Variants in NRG1 observed in about 807,000 individuals in gnomAD.
NRG1 encodes the protein pro-neuregulin-1, membrane-bound isoform.
Under a neutral mutation model 63.8 loss-of-function variants are expected in NRG1, and 18 were observed. The observed-to-expected ratio is 0.28, with a 90% CI of 0.19 to 0.42. The LOEUF (loss-of-function observed/expected upper bound fraction) is 0.42, where lower values mean the gene tolerates loss of function less well. NRG1 is among the 10% of genes least tolerant of loss of function. The probability of loss-of-function intolerance (pLI) is 1.00; values close to 1 mark genes in which losing one functional copy is unlikely to be tolerated. For missense variants in NRG1, 762 were observed against 814.7 expected (o/e 0.94, Z 0.79); for synonymous variants, 302 against 301.3 (o/e 1.00, Z -0.02).
chr8:31,778,161 A>T (rs980372883), intron 1 of NRG1, among the ~76,000 whole-genome samples: 1 of 152,122 alleles, frequency 6.6e-6, no homozygotes, highest in Non-Finnish European at 1.5e-5. Context: ...GACTTCCTTG[A>T]TTTATTCATG....
At chr8:32,477,360 A>G (rs1041863694) in intron 1 of NRG1, among the ~76,000 whole-genome samples, 1 of 152,180 alleles carries the variant, frequency 6.6e-6, no homozygotes, top group African/African-American at 2.4e-5. Context: ...AGCATCATCA[A>G]TACCAATGAG....
intron 1 of NRG1, among the ~76,000 whole-genome samples, chr8:32,481,711 A>G (rs1241033471): frequency 6.6e-6 from 1 of 152,264 alleles, no homozygotes; most frequent in Non-Finnish European, 1.5e-5. Flanking sequence ...TAGCTGCTAT[A>G]AGGACTAAAT....
chr8:32,037,258 G>A (rs1819217127), intron 1 of NRG1, among the ~76,000 whole-genome samples: 1 of 152,166 alleles, frequency 6.6e-6, no homozygotes, highest in Non-Finnish European at 1.5e-5. Flanking sequence ...TCCCACACCT[G>A]GAGGAATCAC....
chr8:32,552,348 C>T (rs1834317751), intron 1 of NRG1, among the ~76,000 whole-genome samples: 1 of 151,656 alleles, frequency 6.6e-6, no homozygotes, highest in Non-Finnish European at 1.5e-5. Context: ...TCTTAAATAA[C>T]CTGGGAAAAA....
At chr8:32,716,399 G>T (rs1159185041) in intron 5 of NRG1, among the ~76,000 whole-genome samples, 1 of 152,174 alleles carries the variant, frequency 6.6e-6, no homozygotes, top group African/African-American at 2.4e-5. Flanking sequence ...TGGCTTTGTA[G>T]TAATGGATGG....
chr8:32,236,671 T>C (rs1847593255), intron 1 of NRG1, among the ~76,000 whole-genome samples: 2 of 152,188 alleles, frequency 1.3e-5, no homozygotes, highest in Non-Finnish European at 2.9e-5. Context: ...ACATTTCAGC[T>C]CCTCTTCATG....
intron 1 of NRG1, among the ~76,000 whole-genome samples, chr8:32,212,009 C>A (rs1194881962): frequency 1.3e-5 from 2 of 152,028 alleles, no homozygotes; most frequent in East Asian, 3.9e-4. Flanking sequence ...AATAGATAAA[C>A]ATTTGCCTTA....
chr8:32,205,221 T>A (rs764432637), intron 1 of NRG1, among the ~76,000 whole-genome samples: 1 of 152,194 alleles, frequency 6.6e-6, no homozygotes, highest in Non-Finnish European at 1.5e-5. Context: ...GGTTTTTTTA[T>A]ATTTTACAAA....
chr8:32,017,198 T>A (rs913537351), intron 1 of NRG1, among the ~76,000 whole-genome samples: 1 of 152,242 alleles, frequency 6.6e-6, no homozygotes, highest in Non-Finnish European at 1.5e-5. Context: ...TATCTCTGCA[T>A]ATTTTTGCAA....
chr8:32,384,419 C>G (rs1458390835), intron 1 of NRG1, among the ~76,000 whole-genome samples: 1 of 152,224 alleles, frequency 6.6e-6, no homozygotes, highest in Non-Finnish European at 1.5e-5. Context: ...CCAGGCCTCA[C>G]AGATTATCTG....
chr8:32,096,290 A>C (rs2346768), intron 1 of NRG1, among the ~76,000 whole-genome samples: 54,769 of 152,138 alleles, frequency 0.36, 10,674 homozygotes, highest in East Asian at 0.5. Context: ...CTATTTTAAA[A>C]ATTTTTCGTT....
rs117474470 is a variant in NRG1, at chr8:31,829,644, G to A, written c.37+190213G>A. 3.7e-3 allele frequency among the ~76,000 whole-genome samples: 569 copies of A among 152,070 alleles called. 1 individual carries two copies. Among genetic ancestry groups the A allele is most frequent in the Middle Eastern group, 0.024 (7 of 294 alleles). The stretch of plus-strand genomic sequence containing the variant: ...AGGGTTTCTAAGGAGCATTTGATAA[G>A]GTGTAAAACCACTATAGTCTTGGAT... On this transcript the variant is annotated intron_variant, in intron 1 of 10. Transcript: ENST00000519301.
intron 1 of NRG1, among the ~76,000 whole-genome samples, chr8:31,884,574 T>C (rs1209588770): frequency 1.3e-5 from 2 of 152,112 alleles, no homozygotes; most frequent in African/African-American, 4.8e-5. Context: ...TCACTTTCTC[T>C]CCTGACTTGC....
chr8:32,099,451 G>C (rs1830291181), intron 1 of NRG1: 1 of 152,262 alleles, frequency 6.6e-6, no homozygotes, highest in Non-Finnish European at 1.5e-5. Flanking sequence ...GACCATCTAA[G>C]GAAGTTGGTT....
chr8:32,129,680 T>C (rs1016339828), intron 1 of NRG1, among the ~76,000 whole-genome samples: 126 of 151,890 alleles, frequency 8.3e-4, no homozygotes, highest in Non-Finnish European at 1.8e-3. Flanking sequence ...AATTACTAAT[T>C]AATATAAATT....
chr8:31,696,129 G>T (rs140606339), intron 1 of NRG1, among the ~76,000 whole-genome samples: 4 of 152,174 alleles, frequency 2.6e-5, no homozygotes, highest in African/African-American at 4.8e-5. Context: ...GTGCAGTGGT[G>T]CTATCTTGGC....
At chr8:31,886,286 T>G (rs1830711942) in intron 1 of NRG1, among the ~76,000 whole-genome samples, 2 of 152,098 alleles carry the variant, frequency 1.3e-5, no homozygotes, top group African/African-American at 2.4e-5. Context: ...AATGTAGAAA[T>G]GTAGAAGGAA....
At chr8:31,734,875 A>G (rs1814494114) in intron 1 of NRG1, among the ~76,000 whole-genome samples, 1 of 151,922 alleles carries the variant, frequency 6.6e-6, no homozygotes, top group South Asian at 2.1e-4. Context: ...TTTTGTTTGT[A>G]TTACCCTCCC....
chr8:32,700,375 T>A (rs1206059919), intron 5 of NRG1, among the ~76,000 whole-genome samples: 1 of 152,172 alleles, frequency 6.6e-6, no homozygotes, highest in Non-Finnish European at 1.5e-5. Flanking sequence ...TCACAATTGA[T>A]ATAAACAAAA....
Sources: allele counts gnomAD v4.1 joint callset (sites outside exome capture counted in the v4.1 genomes callset), GRCh38; gene constraint gnomAD v4.1.1; transcripts MANE v1.5; gene names NCBI Gene and HGNC (gene_info 2026-07-23, HGNC 2026-07-21).